CCDC7: variants seen among roughly 807,000 people sequenced by gnomAD.
CCDC7 encodes coiled-coil domain containing 7.
In CCDC7, 183 loss-of-function variants were observed where a neutral mutation model predicts 196.9. That is an observed-to-expected ratio of 0.93 (90% CI 0.82 to 1.05). The LOEUF (loss-of-function observed/expected upper bound fraction) is 1.05, where lower values mean the gene tolerates loss of function less well. Among genes scored for constraint, CCDC7 ranks in the 50% least tolerant of loss-of-function variants. The probability of loss-of-function intolerance (pLI) is 0.00; values close to 1 mark genes in which losing one functional copy is unlikely to be tolerated. For missense variants in CCDC7, 1,540 were observed against 1,482.2 expected, an observed-to-expected ratio of 1.04 and a Z score of -0.64; for synonymous variants, 525 against 484.6, an observed-to-expected ratio of 1.08 and a Z score of -1.10.
intron 28 of CCDC7, among the ~76,000 whole-genome samples, chr10:32,731,529 A>G (rs1371368838): frequency 6.6e-6 from 1 of 152,120 alleles, no homozygotes; most frequent in African/African-American, 2.4e-5. Context: ...GAATTATTCA[A>G]TGTGTCACAT....
intron 41 of CCDC7, among the ~76,000 whole-genome samples, chr10:32,859,494 T>A (rs2093888827): frequency 6.6e-6 from 1 of 151,868 alleles, no homozygotes; most frequent in African/African-American, 2.4e-5. Flanking sequence ...CACACTAACA[T>A]CACAATTAAA....
At chr10:32,786,929 T>G (rs1337982613) in intron 29 of CCDC7, among the ~76,000 whole-genome samples, 1 of 152,042 alleles carries the variant, frequency 6.6e-6, no homozygotes, top group African/African-American at 2.4e-5. Flanking sequence ...ATAGTTGAAA[T>G]AAATAATTTA....
intron 25 of CCDC7, among the ~76,000 whole-genome samples, chr10:32,716,105 A>T (rs1235922293): frequency 6.6e-6 from 1 of 152,168 alleles, no homozygotes; most frequent in Non-Finnish European, 1.5e-5. Context: ...TAATTATCAG[A>T]TTTACCAAGG....
chr10:32,871,399 T>C (rs1260276220), intron 41 of CCDC7, among the ~76,000 whole-genome samples: 1 of 152,130 alleles, frequency 6.6e-6, no homozygotes, highest in Non-Finnish European at 1.5e-5. Context: ...GAGGTGTTTA[T>C]AGTATTCTCT....
intron 9 of CCDC7, among the ~76,000 whole-genome samples, chr10:32,492,618 G>A (rs2042322844): frequency 6.6e-6 from 1 of 152,038 alleles, no homozygotes; most frequent in Non-Finnish European, 1.5e-5. Flanking sequence ...CCTCTTACAT[G>A]AGGTATCTAG....
intron 24 of CCDC7, among the ~76,000 whole-genome samples, chr10:32,700,255 A>T (rs1055767819): frequency 2.7e-5 from 4 of 149,446 alleles, no homozygotes; most frequent in East Asian, 3.8e-4. Flanking sequence ...AGGGATCCAG[A>T]TTCAGCTTTC....
At chr10:32,618,088 A>G (rs560563218) in intron 18 of CCDC7, among the ~76,000 whole-genome samples, 1 of 152,004 alleles carries the variant, frequency 6.6e-6, no homozygotes, top group East Asian at 1.9e-4. Flanking sequence ...TGCATGGAAT[A>G]TATTTTCTAC....
rs758738610 is a variant in CCDC7 at position 32,462,634 on chromosome 10, T to C, written c.457-49T>C. Reference sequence around the variant, plus strand: ...CTGAACTAAATATTATATTATACATTGTGAAGCATTCTAATTTTAAATGTG... The same window carrying C: ...CTGAACTAAATATTATATTATACATCGTGAAGCATTCTAATTTTAAATGTG... On this transcript the variant is annotated intron_variant, in intron 3 of 41. Transcript: ENST00000639629. 4 of 1,313,430 alleles carry C rather than the reference T, an allele frequency of 3.0e-6. No individual in the cohort carries two copies. In the South Asian group the frequency reaches 5.6e-5, roughly 18 times the overall value. 81.4% of individuals were successfully genotyped at this position (1,313,430 alleles called of 1,614,324 possible).
intron 21 of CCDC7, among the ~76,000 whole-genome samples, chr10:32,685,012 T>C (rs1336407603): frequency 6.6e-6 from 1 of 152,000 alleles, no homozygotes; most frequent in African/African-American, 2.4e-5. Flanking sequence ...AAGTAAAAAA[T>C]ATGCGAGGTA....
chr10:32,854,407 G>T (rs150086696), exon 41 of CCDC7: 3 of 1,596,828 alleles, frequency 1.9e-6, no homozygotes, highest in African/African-American at 1.3e-5. Flanking sequence ...TAGGGCATTC[G>T]AAAGTTGTTA....
intron 2 of CCDC7, 27 bp downstream of exon 3, chr10:32,453,463 G>T: frequency 7.1e-7 from 1 of 1,398,802 alleles, no homozygotes; most frequent in South Asian, 1.8e-5. Flanking sequence ...CTAATATAGA[G>T]ACATTAACAC....
chr10:32,548,531 A>C (rs1421555284), intron 13 of CCDC7, among the ~76,000 whole-genome samples: 1 of 152,218 alleles, frequency 6.6e-6, no homozygotes, highest in Non-Finnish European at 1.5e-5. Flanking sequence ...TGGCGGACAA[A>C]GAACACGGGA....
chr10:32,772,659 A>G (rs1413254378), intron 28 of CCDC7, among the ~76,000 whole-genome samples: 1 of 152,244 alleles, frequency 6.6e-6, no homozygotes, highest in East Asian at 1.9e-4. Context: ...TAAGATCAGT[A>G]AGGAATGGCT....
chr10:32,506,669 C>T (rs544720084), intron 9 of CCDC7, among the ~76,000 whole-genome samples: 42 of 152,220 alleles, frequency 2.8e-4, no homozygotes, highest in African/African-American at 3.6e-4. Context: ...CCAGTCAACA[C>T]GGCGAAACCC....
intron 28 of CCDC7, among the ~76,000 whole-genome samples, chr10:32,759,689 G>A (rs1260254980): frequency 2.0e-5 from 3 of 152,150 alleles, no homozygotes; most frequent in African/African-American, 7.2e-5. Context: ...CATGGGCAAG[G>A]ACTTCATGTC....
At chr10:32,578,675 G>A (rs2137330647) in intron 16 of CCDC7, among the ~76,000 whole-genome samples, 1 of 152,010 alleles carries the variant, frequency 6.6e-6, no homozygotes, top group African/African-American at 2.4e-5. Context: ...TGGGAGAGTG[G>A]CTGTAAATAC....
chr10:32,644,761 A>G (rs1019310077), intron 20 of CCDC7, among the ~76,000 whole-genome samples: 2 of 152,172 alleles, frequency 1.3e-5, no homozygotes, highest in Non-Finnish European at 1.5e-5. Flanking sequence ...GGCTGCCACC[A>G]TGTGAGACGT....
intron 41 of CCDC7, among the ~76,000 whole-genome samples, chr10:32,873,469 C>T (rs1202740765): frequency 3.3e-5 from 5 of 151,808 alleles, no homozygotes; most frequent in East Asian, 3.9e-4. Context: ...ACTTCTTTGC[C>T]GTGGGTTCGA....
At chr10:32,680,991 T>C (rs1182102712) in intron 21 of CCDC7, among the ~76,000 whole-genome samples, 1 of 152,220 alleles carries the variant, frequency 6.6e-6, no homozygotes, top group Non-Finnish European at 1.5e-5. Flanking sequence ...TGTACGCTAG[T>C]CAGTGAGCAC....
Sources: allele counts gnomAD v4.1 joint callset (sites outside exome capture counted in the v4.1 genomes callset), GRCh38; gene constraint gnomAD v4.1.1; transcripts MANE v1.5; gene names NCBI Gene and HGNC (gene_info 2026-07-23, HGNC 2026-07-21).